Variants in LMNA observed in about 807,000 individuals in gnomAD.
LMNA encodes the protein lamin A/C.
LMNA carries 20 observed loss-of-function variants against 70.4 expected under a neutral mutation model. That is an observed-to-expected ratio of 0.28 (90% confidence interval 0.20 to 0.41). The LOEUF (loss-of-function observed/expected upper bound fraction) is 0.41. Among genes scored for constraint, LMNA ranks in the 10% least tolerant of loss-of-function variants. The probability of loss-of-function intolerance (pLI) is 1.00; values close to 1 mark genes in which losing one functional copy is unlikely to be tolerated. For synonymous variants in LMNA, 339 were observed against 372.8 expected (o/e 0.91, Z 1.04); for missense variants, 652 against 917.2 (o/e 0.71, Z 3.73).
In LMNA at chr1:156,105,475, TCTC is replaced by T. The variant is rs372535219; in HGVS notation, c.-206-9235_-206-9233del. Among the ~76,000 whole-genome samples the T allele has an allele frequency of 5.1e-3, 773 of 151,964 alleles. 7 individuals carry two copies. Among genetic ancestry groups the T allele is most frequent in the African/African-American group, 0.018 (730 of 41,416 alleles). On this transcript the variant is annotated intron_variant, in intron 3 of 12. Transcript: ENST00000368301. ...TTGCTCCACCCCAGCGGCCAGGAAA[TCTC>T]CTGCAGATTCACCACCACCCTCCTG... is the stretch of plus-strand genomic sequence containing the variant.
Position 156,137,080 on chromosome 1 carries a change from G to T in LMNA, c.1489-33G>T, listed in dbSNP as rs779106512. 1 of 1,614,158 alleles carries T rather than the reference G, an allele frequency of 6.2e-7. No homozygotes were observed. The highest frequency in any genetic ancestry group is 8.5e-7 in the Non-Finnish European group (1 of 1,179,992). On this transcript the variant is annotated intron_variant, in intron 8 of 11. Transcript: ENST00000368300. The surrounding 1 kb of genome is among the most constrained non-coding windows in gnomAD (Gnocchi z 4.6). ...GGGGAGGCCTTGGGTGGCGATGGGA[G>T]CGCTGGGGTAAGTGTCCTTTTCTCC...
chr1:156,138,157 A>C lies in LMNA; in HGVS notation c.1699-331A>C, dbSNP rs1651831009. ...CTCTCTCATTCCTGACCGCCCCTCCACTCCAATTAATAGTGCATGCCTGCT... is the reference window on the plus strand; with the variant it reads ...CTCTCTCATTCCTGACCGCCCCTCCCCTCCAATTAATAGTGCATGCCTGCT... On this transcript the variant is annotated intron_variant, in intron 10 of 11. Transcript: ENST00000368300. The surrounding 1 kb of genome is among the most constrained non-coding windows in gnomAD (Gnocchi z 5.5). 2 of 535,978 alleles carry C rather than the reference A, an allele frequency of 3.7e-6. No homozygotes were observed. The highest frequency in any genetic ancestry group is 6.7e-6 in the Non-Finnish European group (2 of 298,006). The allele number at this position is 535,978 out of a possible 1,614,324, so 33.2% of individuals were successfully genotyped here.
chr1:156,087,089 G>A (rs1042628098), intron 2 of LMNA, among the ~76,000 whole-genome samples: 13 of 152,092 alleles, frequency 8.5e-5, no homozygotes, highest in African/African-American at 3.1e-4. Flanking sequence ...GACACAGGAG[G>A]CTGCCACCAA....
intron 3 of LMNA, among the ~76,000 whole-genome samples, chr1:156,101,925 G>C (rs1387990624): frequency 1.3e-5 from 2 of 152,130 alleles, no homozygotes; most frequent in Admixed American, 1.3e-4. Context: ...CTGTGTGTTG[G>C]GAGACATGAA....
intron 3 of LMNA, among the ~76,000 whole-genome samples, chr1:156,100,492 T>G (rs563809912): frequency 6.6e-6 from 1 of 151,952 alleles, no homozygotes; most frequent in Admixed American, 6.6e-5. Context: ...TCCTGACACA[T>G]GGTGAGTGCT....
rs1250954784 is a variant in LMNA, at chr1:156,137,608, C to T, written c.1609-46C>T. ...CACTGGGGTAGACATGCTGTACAAC[C>T]CTTCCCTGGCCCTGACCCTTGGACC... On this transcript the variant is annotated intron_variant, in intron 9 of 11. Coordinates refer to ENST00000368300, the MANE Select transcript of LMNA (RefSeq NM_170707.4). The surrounding 1 kb of genome is among the most constrained non-coding windows in gnomAD (Gnocchi z 4.6). 2.0e-6 allele frequency: 3 copies of T among 1,519,862 alleles called. No individual in the cohort carries two copies. Among genetic ancestry groups the T allele is most frequent in the Non-Finnish European group, 2.7e-6 (3 of 1,119,350 alleles). 94.1% of individuals were successfully genotyped at this position (1,519,862 alleles called of 1,614,324 possible).
intron 2 of LMNA, among the ~76,000 whole-genome samples, chr1:156,084,035 C>T (rs1451983031): frequency 1.3e-5 from 2 of 151,992 alleles, no homozygotes; most frequent in South Asian, 2.1e-4. Context: ...CTTGAGGGCT[C>T]GAGGTCAGAC....
At chr1:156,110,899 A>G (rs994502902), upstream of LMNA, among the ~76,000 whole-genome samples, 3 of 151,950 alleles carry the variant, frequency 2.0e-5, no homozygotes, top group African/African-American at 7.3e-5. Flanking sequence ...TCGCTTGAAC[A>G]TGGAAGGCAG....
Position 156,114,915 on chromosome 1 carries a change from G to A in LMNA, c.-4G>A, listed in dbSNP as rs1205781706. On this transcript the variant is annotated 5_prime_UTR_variant, in exon 1 of 12. Transcript: ENST00000368300. Reference sequence around the variant, plus strand: ...CCGCGGGCAGCGCTGCCAACCTGCCGGCCATGGAGACCCCGTCCCAGCGGC... The same window carrying A: ...CCGCGGGCAGCGCTGCCAACCTGCCAGCCATGGAGACCCCGTCCCAGCGGC... The A allele has an allele frequency of 5.2e-6, 8 of 1,543,020 alleles. No individual in the cohort carries two copies. The South Asian group carries it at 9.6e-5, about 18-fold the overall frequency.
At chr1:156,124,735 G>A (rs113311348) in intron 1 of LMNA, among the ~76,000 whole-genome samples, 9 of 152,248 alleles carry the variant, frequency 5.9e-5, no homozygotes, top group Admixed American at 1.3e-4. Flanking sequence ...TGCCGGGTTG[G>A]GGGGGAGGTA....
chr1:156,084,346 G>T (rs2102783567), intron 2 of LMNA, among the ~76,000 whole-genome samples: 1 of 139,968 alleles, frequency 7.1e-6, no homozygotes, highest in Non-Finnish European at 1.6e-5. Flanking sequence ...GGTGGGGGCA[G>T]TTGGCACACT....
rs57629361 is a variant in LMNA, at chr1:156,137,207, C to T, written c.1583C>T (p.Thr528Met). 1.4e-5 allele frequency: 23 copies of T among 1,595,634 alleles called. No individual in the cohort carries two copies. Among genetic ancestry groups the T allele is most frequent in the Non-Finnish European group, 2.0e-5 (23 of 1,172,412 alleles). The change falls in exon 9 of 12, where the codon ACG becomes ATG. Residue 528 changes from threonine to methionine, a missense_variant. Physicochemically the swap from Thr to Met is moderately conservative, Grantham distance 81 (BLOSUM62 -1). Around this residue, in one of 4 missense-constraint regions of LMNA, gnomAD observed 327 missense variants for 387.6 expected, o/e 0.84. Coordinates refer to ENST00000368300, the MANE Select transcript of LMNA (RefSeq NM_170707.4). This position sits in a 1 kb window ranked among gnomAD's most constrained non-coding sequence, Gnocchi z 4.6. The stretch of plus-strand genomic sequence containing the variant: ...TGGGGCTGCGGGAACAGCCTGCGTA[C>T]GGCTCTCATCAACTCCACTGGGGAA... ...NTWGCGNSLR[T>M]ALINSTGEEV...
Position 156,134,710 on chromosome 1 carries a change from G to A in LMNA, c.640-95G>A. On this transcript the variant is annotated intron_variant, in intron 3 of 11. Coordinates refer to ENST00000368300, the MANE Select transcript of LMNA (RefSeq NM_170707.4). The surrounding 1 kb of genome is among the most constrained non-coding windows in gnomAD (Gnocchi z 5.3). ...AAAGTGGGGCTGGTAGTGGCTCATG[G>A]AGTAGGGCTGGGCAGGGAGCCCCGC... 3 of 1,572,776 alleles carry A rather than the reference G, an allele frequency of 1.9e-6. No homozygotes were observed. The highest frequency in any genetic ancestry group is 1.7e-6 in the Non-Finnish European group (2 of 1,144,490).
At chr1:156,130,464 A>T (rs777179706) in intron 1 of LMNA, among the ~76,000 whole-genome samples, 153 bp from the exon 2 acceptor site, 2 of 152,112 alleles carry the variant, frequency 1.3e-5, no homozygotes, top group Non-Finnish European at 2.9e-5. Context: ...CCCCAGAGGC[A>T]AGCAGATGCA....
chr1:156,086,580 G>C (rs1394910527), intron 2 of LMNA, among the ~76,000 whole-genome samples: 1 of 152,220 alleles, frequency 6.6e-6, no homozygotes, highest in East Asian at 1.9e-4. Context: ...GGTTGGGGGA[G>C]GAGTGGGGTG....
At chr1:156,097,948 C>CGTGCGTGTGTGTGTGTGT (rs1649000254) in intron 3 of LMNA, among the ~76,000 whole-genome samples, 1 of 151,836 alleles carries the variant, frequency 6.6e-6, no homozygotes, top group Non-Finnish European at 1.5e-5. Context: ...TGCGTGTGTG[C>CGTGCGTGTGTGTGTGTGT]GTGCGTGTGT....
chr1:156,105,361 C>T (rs1441430283), intron 3 of LMNA, among the ~76,000 whole-genome samples: 1 of 151,696 alleles, frequency 6.6e-6, no homozygotes, highest in Non-Finnish European at 1.5e-5. Context: ...GGCCCAAGTG[C>T]AGTCCCTTCC....
intron 3 of LMNA, among the ~76,000 whole-genome samples, chr1:156,105,230 CAG>C (rs1649287556): frequency 2.0e-5 from 3 of 152,300 alleles, no homozygotes; most frequent in African/African-American, 7.2e-5. Context: ...GGATAGCAGA[CAG>C]GGGAATCTGG....
chr1:156,099,867 CA>C (rs57524097), intron 3 of LMNA, among the ~76,000 whole-genome samples: 20,206 of 100,270 alleles, frequency 0.2, 1,281 homozygotes, highest in Non-Finnish European at 0.26. Flanking sequence ...GCCTGGGTGA[CA>C]AAAAAAAAAA....
Sources: allele counts gnomAD v4.1 joint callset (sites outside exome capture counted in the v4.1 genomes callset), GRCh38; gene constraint gnomAD v4.1.1; regional missense constraint gnomAD v4.1.1; non-coding constraint Gnocchi (gnomAD v3.1); transcripts MANE v1.5; gene names NCBI Gene and HGNC (gene_info 2026-07-23, HGNC 2026-07-21).